The following HGSNAT variants were observed in gnomAD, a reference collection of about 807,000 sequenced individuals.
The protein encoded by HGSNAT is heparan-alpha-glucosaminide N-acetyltransferase.
A neutral mutation model predicts 85.2 loss-of-function variants in HGSNAT; 59 were observed. That is an observed-to-expected ratio of 0.69 (90% CI 0.56 to 0.86). The LOEUF is 0.86. HGSNAT is among the 40% of genes least tolerant of loss of function. The pLI, the probability that HGSNAT is intolerant of heterozygous loss-of-function variation, is 0.00. For missense variants in HGSNAT, 756 were observed against 777.1 expected (o/e 0.97, Z 0.32); for synonymous variants, 321 against 304.5 (o/e 1.05, Z -0.56).
chr8:43,147,114 T>G (rs1431705206), intron 2 of HGSNAT, 51 bp downstream of exon 2: 3 of 1,013,274 alleles, frequency 3.0e-6, no homozygotes, highest in Non-Finnish European at 4.5e-6. Context: ...TTGTTTGATA[T>G]GATCCTTAAT....
chr8:43,196,870 A>G (rs528035170), intron 14 of HGSNAT, 78 bp from the exon 15 acceptor site: 1 of 871,366 alleles, frequency 1.1e-6, no homozygotes, highest in Non-Finnish European at 1.9e-6. Context: ...TTTGTCAGGT[A>G]GTTAAGACAG....
intron 2 of HGSNAT, among the ~76,000 whole-genome samples, chr8:43,153,742 C>G (rs1183881909): frequency 3.3e-5 from 5 of 152,150 alleles, no homozygotes; most frequent in Non-Finnish European, 5.9e-5. Flanking sequence ...TCTATTTACT[C>G]TCTACTTCTA....
chr8:43,169,018 T>G (rs1803523323), intron 5 of HGSNAT, among the ~76,000 whole-genome samples, 155 bp from the exon 6 acceptor site: 1 of 152,200 alleles, frequency 6.6e-6, no homozygotes, highest in African/African-American at 2.4e-5. Context: ...CTGAAAATTG[T>G]GATTTCTATT....
intron 10 of HGSNAT, chr8:43,180,349 G>C (rs1804032625): frequency 6.7e-6 from 1 of 148,782 alleles, no homozygotes; most frequent in Non-Finnish European, 1.5e-5. Flanking sequence ...CGGGGCGGTT[G>C]CCAGGCAGAG....
In HGSNAT at chr8:43,195,762, TAGAGGAAGAAGAGGAGGAG is replaced by T. The variant is rs1804707413; in HGVS notation, c.1465-1185_1465-1167del. On this transcript the variant is annotated intron_variant, in intron 14 of 17. Transcript: ENST00000379644. ...AGAGGAGGAAGAGGAGGAGGAGGGG[TAGAGGAAGAAGAGGAGGAG>T]GAGGGTGTGGAAGAGGAGTAGGGGT... 5.0e-5 allele frequency: 5 copies of T among 99,148 alleles called. No individual in the cohort carries two copies. The South Asian group carries it at 9.2e-4, about 18-fold the overall frequency. The allele number at this position is 99,148 out of a possible 1,614,324, so 6.1% of individuals were successfully genotyped here.
intron 11 of HGSNAT, among the ~76,000 whole-genome samples, chr8:43,187,946 T>C (rs919580535): frequency 6.6e-6 from 1 of 152,236 alleles, no homozygotes; most frequent in Non-Finnish European, 1.5e-5. Context: ...AAAATCCTTT[T>C]CTTTAAGAAT....
intron 9 of HGSNAT, among the ~76,000 whole-genome samples, chr8:43,175,288 G>C (rs1240071779): frequency 1.3e-5 from 2 of 152,082 alleles, no homozygotes; most frequent in African/African-American, 4.8e-5. Context: ...TTTAGGTTTT[G>C]AGGAACCTCT....
intron 2 of HGSNAT, among the ~76,000 whole-genome samples, chr8:43,154,441 G>A (rs1007572907): frequency 1.3e-5 from 2 of 151,054 alleles, no homozygotes; most frequent in Non-Finnish European, 2.9e-5. Context: ...GAGAGCACGC[G>A]GTGTTTGGTT....
intron 2 of HGSNAT, among the ~76,000 whole-genome samples, chr8:43,147,967 G>A (rs1338059813): frequency 6.6e-6 from 1 of 152,170 alleles, no homozygotes. Context: ...TTTTTGCCAG[G>A]CACAGTGGCT....
In HGSNAT at chr8:43,140,599, G is replaced by T. The variant is rs2130648560; in HGVS notation, c.103G>T (p.Ala35Ser). ...PGGSSGRDAQ[A>S]APPRDLDKKR... Reference sequence around the variant, plus strand: ...CGGCTCTTCGGGGCGCGATGCCCAGGCCGCGCCGCCACGAGGTGAGTGCAC... The same window carrying T: ...CGGCTCTTCGGGGCGCGATGCCCAGTCCGCGCCGCCACGAGGTGAGTGCAC... The change falls in exon 1 of 18, where the codon GCC becomes TCC. Residue 35 changes from alanine to serine, a missense_variant. By Grantham distance (99) the Ala-to-Ser change is moderately conservative. Transcript: ENST00000379644. 1 of 1,236,814 alleles carries T rather than the reference G, an allele frequency of 8.1e-7. No homozygotes were observed. The highest frequency in any genetic ancestry group is 1.6e-5 in the African/African-American group (1 of 62,882). 76.6% of individuals were successfully genotyped at this position (1,236,814 alleles called of 1,614,324 possible). A position where few individuals can be genotyped will look rare whatever the true frequency, so the allele number is the denominator to read the frequency against.
At chr8:43,143,560 C>CA (rs1802618253) in intron 1 of HGSNAT, among the ~76,000 whole-genome samples, 1 of 149,348 alleles carries the variant, frequency 6.7e-6, no homozygotes, top group Admixed American at 6.7e-5. Flanking sequence ...TTTTTTGAGA[C>CA]AGAGTCTCGC....
In HGSNAT at chr8:43,192,288, C is replaced by T; in HGVS notation, c.1251-16C>T. On this transcript the variant is annotated splice_polypyrimidine_tract_variant and intron_variant, in intron 12 of 17. Coordinates refer to ENST00000379644, the MANE Select transcript of HGSNAT (RefSeq NM_152419.3). ...TATGAGGTCTTGTCATTTACATATG[C>T]TTTTCACCTTCCTAGTGGTTATCTT... The T allele has an allele frequency of 6.3e-7, 1 of 1,599,240 alleles. No homozygotes were observed. The highest frequency in any genetic ancestry group is 2.2e-5 in the East Asian group (1 of 44,626).
intron 1 of HGSNAT, among the ~76,000 whole-genome samples, chr8:43,143,498 G>A (rs1307445122): frequency 6.6e-6 from 1 of 151,848 alleles, no homozygotes; most frequent in African/African-American, 2.4e-5. Flanking sequence ...GGCCTCAGAT[G>A]CCTCATCCCA....
chr8:43,159,128 C>G (rs1242332228), intron 4 of HGSNAT, 84 bp downstream of exon 4: 3 of 1,394,684 alleles, frequency 2.2e-6, no homozygotes, highest in African/African-American at 1.4e-5. Context: ...GCAAAGCAGT[C>G]CATGACGCTT....
At chr8:43,151,633 C>A (rs1802923822) in intron 2 of HGSNAT, among the ~76,000 whole-genome samples, 1 of 151,960 alleles carries the variant, frequency 6.6e-6, no homozygotes, top group Non-Finnish European at 1.5e-5. Flanking sequence ...TTCTGCACAA[C>A]AAAGAAACAA....
At chr8:43,161,038 C>A (rs772558805) in intron 4 of HGSNAT, among the ~76,000 whole-genome samples, 5 of 152,202 alleles carry the variant, frequency 3.3e-5, no homozygotes, top group Non-Finnish European at 7.3e-5. Context: ...CAGTGTCAGG[C>A]TGTCTTTACA....
chr8:43,172,570 G>T (rs1803663075), intron 8 of HGSNAT, among the ~76,000 whole-genome samples, 184 bp downstream of exon 8: 1 of 152,138 alleles, frequency 6.6e-6, no homozygotes, highest in South Asian at 2.1e-4. Flanking sequence ...CTTTAGTTTT[G>T]TTCCTCCTTT....
Position 43,199,464 on chromosome 8 carries a change from C to T in HGSNAT, c.1803C>T (p.Asp601=), listed in dbSNP as rs752160921. Residue 601 remains aspartate, a synonymous_variant, in exon 18 of 18, where the codon GAC becomes GAT. Coordinates refer to ENST00000379644, the MANE Select transcript of HGSNAT (RefSeq NM_152419.3). ...NYFPFQWKLK[D]NQSHKEHLTQ... is the part of the protein sequence containing the mutation. ...TCCCCTTTCAGTGGAAGCTGAAGGA[C>T]AACCAGTCCCACAAGGAGCACCTGA... is the stretch of plus-strand genomic sequence containing the variant. The T allele has an allele frequency of 6.2e-7, 1 of 1,612,204 alleles. No homozygotes were observed. The highest frequency in any genetic ancestry group is 8.5e-7 in the Non-Finnish European group (1 of 1,179,162).
At chr8:43,144,415 C>G (rs141887574) in intron 1 of HGSNAT, among the ~76,000 whole-genome samples, 132 of 152,116 alleles carry the variant, frequency 8.7e-4, no homozygotes, top group African/African-American at 3.1e-3. Flanking sequence ...GCCTGGATCA[C>G]TGTAATGTCT....
Sources: gnomAD v4.1 joint callset for allele counts (sites outside exome capture counted in the v4.1 genomes callset) on GRCh38, gnomAD v4.1.1 for gene constraint, MANE v1.5 for transcripts, NCBI Gene and HGNC (gene_info 2026-07-23, HGNC 2026-07-21) for gene names.